Variants in SAMD5 observed in about 807,000 individuals in gnomAD.
SAMD5 encodes sterile alpha motif domain containing 5.
A neutral mutation model predicts 11.3 loss-of-function variants in SAMD5; 13 were observed. The ratio of observed to expected loss-of-function variants is 1.15; its 90% CI spans 0.75 to 1.83. SAMD5 has a LOEUF of 1.83. SAMD5 is among the 40% of genes most tolerant of loss of function. SAMD5 has a pLI of 0.00. For synonymous variants in SAMD5, 129 were observed against 111.3 expected (o/e 1.16, Z -1.00); for missense variants, 255 against 239.1 (o/e 1.07, Z -0.44).
chr6:147,629,713 C>A (rs1165847622), intron 1 of SAMD5, among the ~76,000 whole-genome samples: 1 of 152,090 alleles, frequency 6.6e-6, no homozygotes, highest in Admixed American at 6.5e-5. Context: ...CTTTTTCTTT[C>A]ATTTTACATG....
the SAMD5 span, among the ~76,000 whole-genome samples, chr6:147,764,033 C>A: frequency 3.9e-5 from 6 of 152,158 alleles, no homozygotes; most frequent in Non-Finnish European, 8.8e-5. Flanking sequence ...TCTTTAAGTG[C>A]TCTTATCCAA....
chr6:147,880,613 C>T, the SAMD5 span, among the ~76,000 whole-genome samples: 2 of 152,272 alleles, frequency 1.3e-5, no homozygotes, highest in South Asian at 2.1e-4. Flanking sequence ...TTGGTCTGGA[C>T]GTTTTCTCGG....
intron 1 of SAMD5, among the ~76,000 whole-genome samples, chr6:147,526,922 C>G (rs1384816307): frequency 2.0e-5 from 3 of 152,128 alleles, no homozygotes; most frequent in Non-Finnish European, 4.4e-5. Flanking sequence ...TATATTTGAC[C>G]TGGAGAATTA....
chr6:147,519,652 T>C (rs1432977826), intron 1 of SAMD5, among the ~76,000 whole-genome samples: 1 of 152,232 alleles, frequency 6.6e-6, no homozygotes, highest in African/African-American at 2.4e-5. Flanking sequence ...ATATGTAGTC[T>C]CATGGGGAAG....
In SAMD5 at chr6:147,718,582, A is replaced by G. The variant is rs1791500213; in HGVS notation, c.163-18735A>G. ...TATTGGGTTAAGCAAAGTAAATCCA[A>G]AGACATATAGAAACTTCAAGGAATT... On this transcript the variant is annotated intron_variant, in intron 1 of 1. Coordinates refer to the SAMD5 transcript ENST00000566741. Among the ~76,000 whole-genome samples, 3 of 152,254 alleles carry G rather than the reference A, an allele frequency of 2.0e-5. No homozygotes were observed. In the South Asian group the frequency reaches 6.3e-4, roughly 32 times the overall value.
the SAMD5 span, among the ~76,000 whole-genome samples, chr6:147,851,650 C>A: frequency 6.6e-6 from 1 of 152,074 alleles, no homozygotes; most frequent in East Asian, 1.9e-4. Context: ...TATTTCCCAT[C>A]TGTTCTTGGT....
At chr6:147,530,071 A>G (rs1223365380) in intron 1 of SAMD5, among the ~76,000 whole-genome samples, 2 of 152,204 alleles carry the variant, frequency 1.3e-5, no homozygotes, top group Non-Finnish European at 2.9e-5. Context: ...TTTTTACCAT[A>G]TATGGGGACG....
intron 1 of SAMD5, among the ~76,000 whole-genome samples, chr6:147,579,091 T>C (rs893447836): frequency 2.6e-5 from 4 of 152,250 alleles, no homozygotes; most frequent in African/African-American, 9.6e-5. Flanking sequence ...GAACAACTGA[T>C]TGAGCAGTAT....
At chr6:147,605,056 G>T (rs1186767156) in intron 1 of SAMD5, among the ~76,000 whole-genome samples, 1 of 152,154 alleles carries the variant, frequency 6.6e-6, no homozygotes, top group Non-Finnish European at 1.5e-5. Context: ...CTCTGACACT[G>T]TCTTCTGTCA....
At chr6:147,905,401 G>C in the SAMD5 span, among the ~76,000 whole-genome samples, 1 of 151,946 alleles carries the variant, frequency 6.6e-6, no homozygotes, top group African/African-American at 2.4e-5. Context: ...GGCTGGGCTC[G>C]AGCTCCTGAG....
chr6:147,617,885 G>A (rs1187555701), intron 1 of SAMD5, among the ~76,000 whole-genome samples: 1 of 152,140 alleles, frequency 6.6e-6, no homozygotes, highest in African/African-American at 2.4e-5. Flanking sequence ...ATGTGAAAGT[G>A]TTTCAAAGAT....
At chr6:147,941,745 A>G in the SAMD5 span, among the ~76,000 whole-genome samples, 1 of 151,412 alleles carries the variant, frequency 6.6e-6, no homozygotes, top group Non-Finnish European at 1.5e-5. Flanking sequence ...ACAGAAACCT[A>G]CATAAACAAA....
the SAMD5 span, among the ~76,000 whole-genome samples, chr6:147,775,180 G>A: frequency 6.6e-6 from 1 of 152,162 alleles, no homozygotes; most frequent in African/African-American, 2.4e-5. Context: ...GGGTCCCTGC[G>A]AGGCCTGGTG....
intron 1 of SAMD5, among the ~76,000 whole-genome samples, chr6:147,529,848 C>G (rs1452790653): frequency 6.6e-6 from 1 of 152,128 alleles, no homozygotes; most frequent in African/African-American, 2.4e-5. Context: ...TGAATATTGT[C>G]ATTAAAACAG....
the SAMD5 span, among the ~76,000 whole-genome samples, chr6:147,782,610 G>C: frequency 6.6e-6 from 1 of 152,134 alleles, no homozygotes; most frequent in Non-Finnish European, 1.5e-5. Context: ...TCACCAATAG[G>C]GTAGTATCAG....
intron 1 of SAMD5, among the ~76,000 whole-genome samples, chr6:147,728,424 G>GAAACAAAC (rs751292206): frequency 2.0e-5 from 3 of 152,080 alleles, no homozygotes; most frequent in Non-Finnish European, 2.9e-5. Context: ...TCTCAAAGAA[G>GAAACAAAC]AAACAAACAA....
At chr6:147,650,327 T>A (rs1790465728) in intron 1 of SAMD5, among the ~76,000 whole-genome samples, 1 of 152,004 alleles carries the variant, frequency 6.6e-6, no homozygotes, top group Non-Finnish European at 1.5e-5. Context: ...AAAGGATTAG[T>A]GGAGTTAGGG....
At chr6:147,891,103 G>T in the SAMD5 span, among the ~76,000 whole-genome samples, 2 of 152,176 alleles carry the variant, frequency 1.3e-5, no homozygotes, top group African/African-American at 4.8e-5. Context: ...TTACATAAGA[G>T]AATATATTCT....
chr6:147,882,003 TA>T, the SAMD5 span, among the ~76,000 whole-genome samples: 2 of 152,180 alleles, frequency 1.3e-5, no homozygotes, highest in Non-Finnish European at 2.9e-5. Flanking sequence ...CAGGCTCACC[TA>T]AAAGGGTTTT....
Sources: gnomAD v4.1 joint callset for allele counts (sites outside exome capture counted in the v4.1 genomes callset) on GRCh38, gnomAD v4.1.1 for gene constraint, MANE v1.5 for transcripts, NCBI Gene and HGNC (gene_info 2026-07-23, HGNC 2026-07-21) for gene names.